ETV6: variants seen among roughly 807,000 people sequenced by gnomAD.
ETV6 encodes the protein transcription factor ETV6.
Under a neutral mutation model 51.1 loss-of-function variants are expected in ETV6, and 16 were observed. The observed-to-expected ratio is 0.31, with a 90% confidence interval of 0.21 to 0.48. The LOEUF is 0.48. Ranked by LOEUF, ETV6 falls within the 20% of genes least tolerant of loss-of-function variation. The pLI is 0.99. For synonymous variants in ETV6, 240 were observed against 224.1 expected, an observed-to-expected ratio of 1.07 and a Z score of -0.64; for missense variants, 458 against 594.8, an observed-to-expected ratio of 0.77 and a Z score of 2.39.
chr12:11,842,407 TACACACACACAC>T (rs6144615), intron 3 of ETV6, among the ~76,000 whole-genome samples: 4 of 147,952 alleles, frequency 2.7e-5, no homozygotes, highest in East Asian at 2.0e-4. Context: ...TTGACACAGA[TACACACACACAC>T]ACACACACAC....
At chr12:11,720,929 TAAAA>T (rs775750611) in intron 1 of ETV6, among the ~76,000 whole-genome samples, 1 of 152,078 alleles carries the variant, frequency 6.6e-6, no homozygotes, top group Non-Finnish European at 1.5e-5. Context: ...AGACACCTCT[TAAAA>T]GAAGACATAC....
intron 2 of ETV6, among the ~76,000 whole-genome samples, chr12:11,763,077 T>C (rs1032745339): frequency 2.0e-5 from 3 of 152,228 alleles, no homozygotes; most frequent in Non-Finnish European, 4.4e-5. Context: ...GGTTCATCTC[T>C]GTTAGGCATG....
intron 3 of ETV6, 72 bp from the exon 4 acceptor site, chr12:11,853,355 C>T: frequency 6.3e-7 from 1 of 1,585,588 alleles, no homozygotes; most frequent in Non-Finnish European, 8.6e-7. Context: ...AGGCACTTAG[C>T]TGCTGCTCCG....
At chr12:11,751,890 G>T (rs773127592) in intron 1 of ETV6, 5 of 495,836 alleles carry the variant, frequency 1.0e-5, no homozygotes, top group Non-Finnish European at 2.0e-5. Context: ...TGGTTGTATA[G>T]TGAGATAGGT....
At chr12:11,841,808 C>T (rs547427475) in intron 3 of ETV6, among the ~76,000 whole-genome samples, 30 of 152,194 alleles carry the variant, frequency 2.0e-4, no homozygotes, top group Middle Eastern at 3.4e-3. Context: ...GTAGGCCGGG[C>T]GCGGTGGCTC....
intron 1 of ETV6, among the ~76,000 whole-genome samples, chr12:11,668,703 G>A (rs766445231): frequency 4.6e-5 from 7 of 152,166 alleles, no homozygotes; most frequent in South Asian, 2.1e-4. Flanking sequence ...GCTTCAGGGC[G>A]GAATCTGATC....
intron 2 of ETV6, among the ~76,000 whole-genome samples, chr12:11,805,299 G>A (rs1290347259): frequency 2.6e-5 from 4 of 152,256 alleles, no homozygotes; most frequent in South Asian, 4.1e-4. Context: ...CCAATTGTCC[G>A]TCTGTTCCAG....
intron 1 of ETV6, among the ~76,000 whole-genome samples, chr12:11,705,408 TTC>T (rs1184422922): frequency 2.6e-5 from 4 of 152,252 alleles, no homozygotes; most frequent in African/African-American, 9.6e-5. Flanking sequence ...TTTATTTATA[TTC>T]TCTGCCCTGG....
intron 1 of ETV6, among the ~76,000 whole-genome samples, chr12:11,699,881 C>T (rs955101003): frequency 1.3e-5 from 2 of 152,148 alleles, no homozygotes; most frequent in Middle Eastern, 3.2e-3. Context: ...ATTGGACTTC[C>T]TTCATTAAAC....
chr12:11,678,873 G>A (rs912756864), intron 1 of ETV6, among the ~76,000 whole-genome samples: 22 of 152,146 alleles, frequency 1.4e-4, no homozygotes, highest in African/African-American at 4.6e-4. Flanking sequence ...AAAAGGGAGT[G>A]ACTGGTGAAT....
chr12:11,675,523 G>T (rs1442774380), intron 1 of ETV6, among the ~76,000 whole-genome samples: 1 of 152,084 alleles, frequency 6.6e-6, no homozygotes, highest in East Asian at 1.9e-4. Context: ...TCCTCTAAAA[G>T]AAATTTGACC....
At chr12:11,724,456 A>G (rs1865451335) in intron 1 of ETV6, among the ~76,000 whole-genome samples, 4 of 152,200 alleles carry the variant, frequency 2.6e-5, no homozygotes, top group Admixed American at 1.3e-4. Context: ...TCAAGGGTCT[A>G]TTTCCTCATT....
chr12:11,807,997 C>A (rs1350238218), intron 2 of ETV6, among the ~76,000 whole-genome samples: 1 of 152,150 alleles, frequency 6.6e-6, no homozygotes, highest in Non-Finnish European at 1.5e-5. Context: ...CCCCAATGAT[C>A]ATCAGCAATA....
chr12:11,876,572 ACT>A (rs1263701462), intron 5 of ETV6, among the ~76,000 whole-genome samples: 1 of 152,082 alleles, frequency 6.6e-6, no homozygotes. Flanking sequence ...TTAATCCAAA[ACT>A]CTGCTGAGGA....
chr12:11,854,795 A>C (rs912484861), intron 4 of ETV6, among the ~76,000 whole-genome samples: 6 of 152,084 alleles, frequency 3.9e-5, no homozygotes, highest in African/African-American at 1.2e-4. Context: ...AGAAAAAAAA[A>C]CCCAAATCTA....
Position 11,692,800 on chromosome 12 carries a change from G to A in ETV6, c.33+42640G>A, listed in dbSNP as rs205544. Among the ~76,000 whole-genome samples the A allele has an allele frequency of 2.2e-3, 342 of 152,182 alleles. 2 individuals are homozygous for A. Among genetic ancestry groups the A allele is most frequent in the Non-Finnish European group, 3.7e-3 (251 of 68,004 alleles). On this transcript the variant is annotated intron_variant, in intron 1 of 7. Coordinates refer to ENST00000396373, the MANE Select transcript of ETV6 (RefSeq NM_001987.5). ...GGCGTGGTGGTTCACGCCTGTAATC[G>A]CAGCACTGGGAGGCTGAGGCGGATG...
intron 1 of ETV6, among the ~76,000 whole-genome samples, chr12:11,698,446 G>A (rs1591616533): frequency 1.3e-5 from 2 of 152,326 alleles, no homozygotes; most frequent in African/African-American, 2.4e-5. Flanking sequence ...AGGCTTGACT[G>A]AGGAAGAACC....
chr12:11,650,776 A>T (rs1450789333), intron 1 of ETV6, among the ~76,000 whole-genome samples: 1 of 152,202 alleles, frequency 6.6e-6, no homozygotes, highest in Admixed American at 6.5e-5. Context: ...CAAGGTGAAT[A>T]AAGTTGCTGA....
At position 11,797,994 on chromosome 12, in the gene ETV6, TTTG is replaced by T. The variant is rs577519788; in HGVS notation, c.164-41143_164-41141del. Among the ~76,000 whole-genome samples the T allele has an allele frequency of 3.9e-4, 59 of 152,320 alleles. No individual in the cohort carries two copies. The South Asian group carries it at 0.012, about 30-fold the overall frequency. ...GATGATAGAAACAAAAGGAAATTCC[TTTG>T]TTTTTTATTACCATACAAGGATAAG... On this transcript the variant is annotated intron_variant, in intron 2 of 7. Coordinates refer to ENST00000396373, the MANE Select transcript of ETV6 (RefSeq NM_001987.5).
Sources: gnomAD v4.1 joint callset for allele counts (sites outside exome capture counted in the v4.1 genomes callset) on GRCh38, gnomAD v4.1.1 for gene constraint, MANE v1.5 for transcripts, NCBI Gene and HGNC (gene_info 2026-07-23, HGNC 2026-07-21) for gene names.